The following PDE1A variants were observed in gnomAD, a reference collection of about 807,000 sequenced individuals.
PDE1A encodes phosphodiesterase 1A.
PDE1A carries 35 observed loss-of-function variants against 61.7 expected under a neutral mutation model. The observed-to-expected ratio is 0.57, with a 90% CI of 0.43 to 0.75. The LOEUF (loss-of-function observed/expected upper bound fraction) is 0.75, where lower values mean the gene tolerates loss of function less well. Among genes scored for constraint, PDE1A ranks in the 30% least tolerant of loss-of-function variants. The probability of loss-of-function intolerance (pLI) is 0.00; values close to 1 mark genes in which losing one functional copy is unlikely to be tolerated. For missense variants in PDE1A, 597 were observed against 630.6 expected (o/e 0.95, Z 0.57); for synonymous variants, 232 against 213.2 (o/e 1.09, Z -0.77).
At chr2:182,424,060 T>C (rs1703451519) in intron 1 of PDE1A, among the ~76,000 whole-genome samples, 1 of 150,712 alleles carries the variant, frequency 6.6e-6, no homozygotes, top group African/African-American at 2.4e-5. Flanking sequence ...TTCTCATGCC[T>C]CAGCCTCCCA....
chr2:182,406,804 A>C (rs1702321182), intron 1 of PDE1A, among the ~76,000 whole-genome samples: 1 of 152,114 alleles, frequency 6.6e-6, no homozygotes, highest in African/African-American at 2.4e-5. Flanking sequence ...ATTACAAGAA[A>C]TGAAAAAAAT....
intron 1 of PDE1A, among the ~76,000 whole-genome samples, chr2:182,286,660 G>A (rs1457562761): frequency 1.3e-5 from 2 of 152,104 alleles, no homozygotes; most frequent in Non-Finnish European, 2.9e-5. Flanking sequence ...GAGAGGGAAA[G>A]AACATGGATG....
chr2:182,470,607 G>A (rs1686964276), intron 2 of PDE1A, among the ~76,000 whole-genome samples: 2 of 151,826 alleles, frequency 1.3e-5, no homozygotes, highest in Non-Finnish European at 2.9e-5. Context: ...ATTCAAAGTG[G>A]AGGGGCCTCC....
chr2:182,498,570 C>A (rs924199128), intron 2 of PDE1A, among the ~76,000 whole-genome samples: 1 of 152,020 alleles, frequency 6.6e-6, no homozygotes, highest in African/African-American at 2.4e-5. Context: ...ATGAAATATT[C>A]TCCATACTGA....
intron 1 of PDE1A, among the ~76,000 whole-genome samples, chr2:182,396,394 A>G (rs1279675244): frequency 6.6e-6 from 1 of 152,254 alleles, no homozygotes; most frequent in Non-Finnish European, 1.5e-5. Flanking sequence ...GCTACAGCCA[A>G]TGGTTTGGCT....
exon 1 of PDE1A, chr2:182,426,651 T>C: frequency 1.2e-6 from 2 of 1,612,418 alleles, no homozygotes; most frequent in Non-Finnish European, 1.7e-6. Context: ...AGGTTTAACT[T>C]CTTCCTGGAA....
chr2:182,365,412 T>A (rs1699780622), intron 1 of PDE1A, among the ~76,000 whole-genome samples: 1 of 152,040 alleles, frequency 6.6e-6, no homozygotes, highest in Admixed American at 6.6e-5. Flanking sequence ...GCTGGCATAA[T>A]TTTGAACCCT....
chr2:182,419,409 C>T (rs1703131992), intron 1 of PDE1A, among the ~76,000 whole-genome samples: 1 of 149,350 alleles, frequency 6.7e-6, no homozygotes, highest in Non-Finnish European at 1.5e-5. Context: ...GATCTTGGCT[C>T]ACTGCAACCC....
chr2:182,413,133 A>T (rs1358306732), intron 1 of PDE1A, among the ~76,000 whole-genome samples: 1 of 152,192 alleles, frequency 6.6e-6, no homozygotes, highest in African/African-American at 2.4e-5. Context: ...CCGTAGCATA[A>T]GAGTTGTGAA....
At chr2:182,253,537 C>T (rs55755125) in intron 2 of PDE1A, among the ~76,000 whole-genome samples, 17,984 of 151,930 alleles carry the variant, frequency 0.12, 1,456 homozygotes, top group Non-Finnish European at 0.18. Context: ...CTGCCAACAC[C>T]CCCCTTCATT....
intron 13 of PDE1A, among the ~76,000 whole-genome samples, chr2:182,184,837 T>C (rs977463720): frequency 4.6e-5 from 7 of 152,138 alleles, no homozygotes; most frequent in Non-Finnish European, 7.4e-5. Context: ...AATTTTGATA[T>C]ATGGCAAGTG....
chr2:182,181,440 G>A lies in PDE1A; in HGVS notation c.1516+4452C>T, dbSNP rs78072034. On this transcript the variant is annotated intron_variant, in intron 13 of 13. Coordinates refer to ENST00000351439, the Ensembl canonical transcript of PDE1A. The stretch of plus-strand genomic sequence containing the variant: ...TGGAGTTTGCAGAACATCAAAGATT[G>A]CTGTCTGCTCCTTCCTCTGGAAGCT... 3.3e-5 allele frequency among the ~76,000 whole-genome samples: 5 copies of A among 152,328 alleles called. No homozygotes were observed. In the East Asian group the frequency reaches 9.6e-4, roughly 29 times the overall value.
chr2:182,413,864 T>C (rs1702763163), intron 1 of PDE1A, among the ~76,000 whole-genome samples: 1 of 152,166 alleles, frequency 6.6e-6, no homozygotes, highest in Admixed American at 6.5e-5. Context: ...TTAAATCTCA[T>C]GGTGCACTAG....
chr2:182,666,093 A>G, the PDE1A span, among the ~76,000 whole-genome samples: 1 of 152,192 alleles, frequency 6.6e-6, no homozygotes, highest in Admixed American at 6.5e-5. Flanking sequence ...CAGGATAAAT[A>G]GCTAATGCAT....
chr2:182,178,751 G>A (rs1387665849), intron 13 of PDE1A, among the ~76,000 whole-genome samples: 1 of 152,072 alleles, frequency 6.6e-6, no homozygotes, highest in Admixed American at 6.6e-5. Flanking sequence ...ACTCTGATGT[G>A]AAGACCAGCC....
chr2:182,329,225 C>T (rs936290649), intron 1 of PDE1A, among the ~76,000 whole-genome samples: 2 of 152,134 alleles, frequency 1.3e-5, no homozygotes, highest in Non-Finnish European at 2.9e-5. Context: ...TCTCAAATTT[C>T]ACTCCAGCCA....
intron 2 of PDE1A, among the ~76,000 whole-genome samples, chr2:182,247,470 T>C (rs1172931592): frequency 6.6e-6 from 1 of 152,194 alleles, no homozygotes; most frequent in Non-Finnish European, 1.5e-5. Context: ...TTTGAATAAA[T>C]TTTGAAAATA....
chr2:182,520,633 A>G (rs1033368271), intron 2 of PDE1A, among the ~76,000 whole-genome samples: 1 of 151,944 alleles, frequency 6.6e-6, no homozygotes, highest in African/African-American at 2.4e-5. Context: ...TCACTTTTCA[A>G]ATTTCTTAAA....
chr2:182,153,652 G>A (rs143108122), intron 13 of PDE1A, among the ~76,000 whole-genome samples: 214 of 152,338 alleles, frequency 1.4e-3, no homozygotes, highest in Non-Finnish European at 2.7e-3. Flanking sequence ...TGGCAATGGA[G>A]AGAGAAGCTC....
Sources: allele counts gnomAD v4.1 joint callset (sites outside exome capture counted in the v4.1 genomes callset), GRCh38; gene constraint gnomAD v4.1.1; transcripts MANE v1.5; gene names NCBI Gene and HGNC (gene_info 2026-07-23, HGNC 2026-07-21).